Variants in ZNF407 observed in about 807,000 individuals in gnomAD.
ZNF407 encodes the protein zinc finger protein 407.
In ZNF407, 17 loss-of-function variants were observed where a neutral mutation model predicts 131.2. That is an observed-to-expected ratio of 0.13 (90% confidence interval 0.09 to 0.19). The LOEUF is 0.19. ZNF407 is among the 10% of genes least tolerant of loss of function. The pLI, the probability that ZNF407 is intolerant of heterozygous loss-of-function variation, is 1.00. For missense variants in ZNF407, 2,681 were observed against 2,830.6 expected (o/e 0.95, Z 1.20); for synonymous variants, 1,156 against 1,062.0 (o/e 1.09, Z -1.72).
At chr18:74,756,055 G>A (rs569937314) in intron 3 of ZNF407, among the ~76,000 whole-genome samples, 69 of 150,794 alleles carry the variant, frequency 4.6e-4, no homozygotes, top group South Asian at 1.5e-3. Context: ...CACCACACCC[G>A]GCTGATTTTT....
At chr18:74,839,476 C>T (rs1970602454) in intron 4 of ZNF407, among the ~76,000 whole-genome samples, 1 of 152,182 alleles carries the variant, frequency 6.6e-6, no homozygotes, top group African/African-American at 2.4e-5. Context: ...CTTAGCTGTG[C>T]TCTTAGGCCT....
chr18:74,739,685 T>A (rs1660722731), intron 3 of ZNF407, among the ~76,000 whole-genome samples: 1 of 152,108 alleles, frequency 6.6e-6, no homozygotes, highest in South Asian at 2.1e-4. Flanking sequence ...AGGATTTATA[T>A]GAATCGTAAT....
Position 74,703,549 on chromosome 18 carries a change from A to G in ZNF407, c.4802+62427A>G, listed in dbSNP as rs1340842575. ...ACCCAGCTAATTTTGTATTTTTAGTAGAGATGGGGTTTCTCCAGGTTTATC... is the reference window on the plus strand; with the variant it reads ...ACCCAGCTAATTTTGTATTTTTAGTGGAGATGGGGTTTCTCCAGGTTTATC... On this transcript the variant is annotated intron_variant, in intron 3 of 8. Transcript: ENST00000299687. This position sits in a 1 kb window ranked among gnomAD's most constrained non-coding sequence, Gnocchi z 4.1. 1.3e-5 allele frequency among the ~76,000 whole-genome samples: 2 copies of G among 152,136 alleles called. No homozygotes were observed. The highest frequency in any genetic ancestry group is 4.8e-5 in the African/African-American group (2 of 41,430).
At chr18:74,994,801 G>A (rs1344561560) in intron 8 of ZNF407, among the ~76,000 whole-genome samples, 3 of 152,322 alleles carry the variant, frequency 2.0e-5, no homozygotes, top group Non-Finnish European at 2.9e-5. Context: ...CGTGGGCAGT[G>A]AGCGGCCACA....
At chr18:74,624,353 A>G (rs982038223) in intron 1 of ZNF407, among the ~76,000 whole-genome samples, 1 of 152,182 alleles carries the variant, frequency 6.6e-6, no homozygotes, top group Non-Finnish European at 1.5e-5. Context: ...TACTTGTTCT[A>G]GTAACCTTTC....
intron 7 of ZNF407, among the ~76,000 whole-genome samples, chr18:74,914,104 C>T (rs767659546): frequency 2.0e-5 from 3 of 152,148 alleles, no homozygotes; most frequent in Non-Finnish European, 4.4e-5. Context: ...GAAAGCGATG[C>T]GTGCTGTTTC....
intron 3 of ZNF407, among the ~76,000 whole-genome samples, chr18:74,700,958 C>T (rs1344143834): frequency 1.3e-5 from 2 of 152,076 alleles, no homozygotes; most frequent in Admixed American, 6.6e-5. Context: ...AATTACCAAA[C>T]GTGACAGTAT....
chr18:74,772,510 A>G (rs2145004097), intron 3 of ZNF407, among the ~76,000 whole-genome samples: 1 of 152,190 alleles, frequency 6.6e-6, no homozygotes, highest in African/African-American at 2.4e-5. Context: ...AGCTTTCTAT[A>G]TTTTCAGTTG....
intron 8 of ZNF407, among the ~76,000 whole-genome samples, chr18:74,944,545 A>T: frequency 6.6e-6 from 1 of 152,212 alleles, no homozygotes; most frequent in East Asian, 1.9e-4. Flanking sequence ...AAAAAGCCCT[A>T]AATGTGCAGT....
At chr18:74,964,622 T>C (rs569293079) in intron 8 of ZNF407, among the ~76,000 whole-genome samples, 1 of 150,690 alleles carries the variant, frequency 6.6e-6, no homozygotes, top group South Asian at 2.1e-4. Context: ...ACCAATATTA[T>C]AACCAAACTT....
intron 8 of ZNF407, among the ~76,000 whole-genome samples, chr18:74,921,383 G>A (rs1462863241): frequency 6.6e-6 from 1 of 152,234 alleles, no homozygotes; most frequent in East Asian, 1.9e-4. Context: ...ATTCTGTGCA[G>A]AGCAGCAGAA....
chr18:75,023,557 G>A (rs988979710), intron 8 of ZNF407, among the ~76,000 whole-genome samples: 8 of 152,128 alleles, frequency 5.3e-5, no homozygotes, highest in African/African-American at 1.9e-4. Flanking sequence ...ATTCTTGGGG[G>A]CTAACTAATC....
intron 8 of ZNF407, among the ~76,000 whole-genome samples, chr18:75,011,600 T>G (rs1972975172): frequency 6.6e-6 from 1 of 152,158 alleles, no homozygotes; most frequent in Non-Finnish European, 1.5e-5. Context: ...TTAAGTTTTT[T>G]TCCCAAAATC....
chr18:74,896,495 G>A (rs566182960), intron 7 of ZNF407, among the ~76,000 whole-genome samples: 2 of 152,228 alleles, frequency 1.3e-5, no homozygotes, highest in East Asian at 3.9e-4. Flanking sequence ...TGAATTTCTG[G>A]AAGACAAATG....
intron 3 of ZNF407, among the ~76,000 whole-genome samples, chr18:74,763,819 C>T (rs1350053090): frequency 6.7e-6 from 1 of 150,354 alleles, no homozygotes; most frequent in African/African-American, 2.4e-5. Flanking sequence ...ACGCCATTCT[C>T]CTGCCTCAGC....
chr18:74,709,600 A>G (rs1451815540), intron 3 of ZNF407, among the ~76,000 whole-genome samples: 1 of 152,214 alleles, frequency 6.6e-6, no homozygotes, highest in East Asian at 1.9e-4. Context: ...AGATGGCGTT[A>G]TTCAATCTCT....
intron 3 of ZNF407, among the ~76,000 whole-genome samples, chr18:74,777,263 G>A (rs546770084): frequency 6.6e-6 from 1 of 152,016 alleles, no homozygotes; most frequent in African/African-American, 2.4e-5. Flanking sequence ...CTACTGCATT[G>A]CTGTTTTTAC....
chr18:74,841,365 C>T (rs1338355959), intron 4 of ZNF407, among the ~76,000 whole-genome samples: 1 of 152,164 alleles, frequency 6.6e-6, no homozygotes, highest in East Asian at 1.9e-4. Context: ...AGGTCACCCT[C>T]ACGGCTGATC....
chr18:74,690,572 C>T (rs1967197776), intron 3 of ZNF407, among the ~76,000 whole-genome samples: 1 of 151,874 alleles, frequency 6.6e-6, no homozygotes, highest in South Asian at 2.1e-4. Flanking sequence ...GGACAGGTAT[C>T]CATATCCTTG....
Sources: gnomAD v4.1 joint callset for allele counts (sites outside exome capture counted in the v4.1 genomes callset) on GRCh38, gnomAD v4.1.1 for gene constraint, Gnocchi (gnomAD v3.1) non-coding constraint, MANE v1.5 for transcripts, NCBI Gene and HGNC (gene_info 2026-07-23, HGNC 2026-07-21) for gene names.